COL23A1: variants seen among roughly 807,000 people sequenced by gnomAD.
COL23A1 encodes the protein collagen type XXIII alpha 1 chain.
A neutral mutation model predicts 99.3 loss-of-function variants in COL23A1; 97 were observed. That is an observed-to-expected ratio of 0.98 (90% CI 0.83 to 1.16). The LOEUF (loss-of-function observed/expected upper bound fraction) is 1.16, where lower values mean the gene tolerates loss of function less well. Ranked by LOEUF, COL23A1 falls within the 50% of genes most tolerant of loss-of-function variation. The probability of loss-of-function intolerance (pLI) is 0.00; values close to 1 mark genes in which losing one functional copy is unlikely to be tolerated. For synonymous variants in COL23A1, 320 were observed against 308.2 expected (o/e 1.04, Z -0.40); for missense variants, 762 against 757.4 (o/e 1.01, Z -0.07).
intron 2 of COL23A1, among the ~76,000 whole-genome samples, chr5:178,447,415 G>T (rs1241699857): frequency 1.3e-5 from 2 of 152,124 alleles, no homozygotes; most frequent in African/African-American, 4.8e-5. Context: ...CATAACATTT[G>T]GGTCAATGAC....
At chr5:178,283,945 T>A (rs1581523780) in intron 5 of COL23A1, among the ~76,000 whole-genome samples, 1 of 152,346 alleles carries the variant, frequency 6.6e-6, no homozygotes, top group East Asian at 1.9e-4. Flanking sequence ...CTGGGCCTGA[T>A]CCATCTTTGT....
At chr5:178,537,713 G>T (rs769734452) in intron 2 of COL23A1, among the ~76,000 whole-genome samples, 1 of 152,242 alleles carries the variant, frequency 6.6e-6, no homozygotes, top group African/African-American at 2.4e-5. Context: ...AACTGTGTGT[G>T]CAAGTGGTAA....
At chr5:178,521,990 C>T (rs1759971078) in intron 2 of COL23A1, among the ~76,000 whole-genome samples, 1 of 152,096 alleles carries the variant, frequency 6.6e-6, no homozygotes, top group Admixed American at 6.5e-5. Flanking sequence ...CTTCAAATGG[C>T]TAGCATGGTA....
intron 1 of COL23A1, among the ~76,000 whole-genome samples, chr5:178,586,015 G>T (rs1163642621): frequency 1.3e-5 from 2 of 152,150 alleles, no homozygotes; most frequent in Non-Finnish European, 2.9e-5. Context: ...TCTCTTCCCT[G>T]CCCCCTTCCC....
At chr5:178,350,502 T>C (rs1284612526) in intron 2 of COL23A1, among the ~76,000 whole-genome samples, 1 of 152,110 alleles carries the variant, frequency 6.6e-6, no homozygotes, top group African/African-American at 2.4e-5. Flanking sequence ...CCCAGCGCGA[T>C]GTCAGGACTC....
intron 2 of COL23A1, among the ~76,000 whole-genome samples, chr5:178,326,892 G>A (rs59428358): frequency 2.0e-5 from 3 of 152,082 alleles, no homozygotes; most frequent in East Asian, 1.9e-4. Context: ...GCTAATTTTC[G>A]TATTTTTAGT....
chr5:178,381,983 A>G (rs1246544893), intron 2 of COL23A1, among the ~76,000 whole-genome samples: 2 of 152,078 alleles, frequency 1.3e-5, no homozygotes, highest in East Asian at 3.9e-4. Flanking sequence ...CTCCGGTGGG[A>G]ATCCTAGGCA....
intron 13 of COL23A1, among the ~76,000 whole-genome samples, chr5:178,257,317 G>T (rs1466346988): frequency 2.0e-5 from 3 of 152,180 alleles, no homozygotes; most frequent in African/African-American, 7.2e-5. Context: ...GAGGGCTTGA[G>T]GGAGTGAGGG....
intron 2 of COL23A1, among the ~76,000 whole-genome samples, chr5:178,503,025 A>G (rs1183682147): frequency 6.6e-6 from 1 of 152,250 alleles, no homozygotes. Context: ...AGAAAAACCC[A>G]GAACAATGAG....
intron 27 of COL23A1, among the ~76,000 whole-genome samples, 196 bp from the exon 28 acceptor site, chr5:178,239,375 G>A (rs1038846565): frequency 1.3e-5 from 2 of 152,198 alleles, no homozygotes; most frequent in Non-Finnish European, 2.9e-5. Context: ...GGGGAACGAC[G>A]GCCTCTCACT....
At chr5:178,540,701 G>A (rs372139050) in intron 2 of COL23A1, among the ~76,000 whole-genome samples, 28 of 152,010 alleles carry the variant, frequency 1.8e-4, no homozygotes, top group East Asian at 1.2e-3. Context: ...GTGGGAGGAT[G>A]GCTTGAGCCT....
chr5:178,501,752 T>C (rs1758548246), intron 2 of COL23A1, among the ~76,000 whole-genome samples: 1 of 152,156 alleles, frequency 6.6e-6, no homozygotes, highest in African/African-American at 2.4e-5. Context: ...AGTAGGGAGC[T>C]GGGCCTTCAT....
rs1176325731 is a variant in COL23A1 at position 178,384,297 on chromosome 5, C to T, written c.362-77378G>A. On this transcript the variant is annotated intron_variant, in intron 2 of 28. Coordinates refer to ENST00000390654, the MANE Select transcript of COL23A1 (RefSeq NM_173465.4). This position sits in a 1 kb window ranked among gnomAD's most constrained non-coding sequence, Gnocchi z 5.5. ...AGTTCTCAAAACCTGGATCCGGCGA[C>T]GGAGGCCCGGCCTGGCCACTGCCTG... 6.6e-6 allele frequency among the ~76,000 whole-genome samples: 1 copy of T among 152,230 alleles called. No homozygotes were observed. The highest frequency in any genetic ancestry group is 6.5e-5 in the Admixed American group (1 of 15,290).
At chr5:178,542,176 A>G (rs765652520) in intron 2 of COL23A1, among the ~76,000 whole-genome samples, 15 of 152,090 alleles carry the variant, frequency 9.9e-5, no homozygotes, top group Non-Finnish European at 2.2e-4. Flanking sequence ...GGCACCTGCC[A>G]CCACAACCAA....
chr5:178,536,599 C>A (rs1314283583), intron 2 of COL23A1, among the ~76,000 whole-genome samples: 1 of 152,218 alleles, frequency 6.6e-6, no homozygotes, highest in Non-Finnish European at 1.5e-5. Flanking sequence ...GCCTCCCAAG[C>A]CTGATGGCCT....
At chr5:178,382,933 G>A (rs1763462611) in intron 2 of COL23A1, among the ~76,000 whole-genome samples, 1 of 152,172 alleles carries the variant, frequency 6.6e-6, no homozygotes, top group Admixed American at 6.5e-5. Context: ...GTGGGGAGGA[G>A]CTGAGGACAG....
rs188589735 is a variant in COL23A1, at chr5:178,488,763, C to T, written c.361+71919G>A. Reference sequence around the variant, plus strand: ...TGTATACATTCAATGAATGTAAATTCAAGGAGGCACCAGACGAGAGTTCTG... The same window carrying T: ...TGTATACATTCAATGAATGTAAATTTAAGGAGGCACCAGACGAGAGTTCTG... On this transcript the variant is annotated intron_variant, in intron 2 of 28. Transcript: ENST00000390654. 2.2e-3 allele frequency among the ~76,000 whole-genome samples: 338 copies of T among 151,624 alleles called. 2 individuals carry two copies. Among genetic ancestry groups the T allele is most frequent in the African/African-American group, 8.0e-3 (329 of 41,310 alleles).
At chr5:178,416,476 C>T (rs1286070292) in intron 2 of COL23A1, among the ~76,000 whole-genome samples, 1 of 152,070 alleles carries the variant, frequency 6.6e-6, no homozygotes, top group Non-Finnish European at 1.5e-5. Flanking sequence ...GGAGTGAGCC[C>T]GGAGGGGTGG....
At chr5:178,412,809 G>A (rs1317101883) in intron 2 of COL23A1, among the ~76,000 whole-genome samples, 1 of 152,074 alleles carries the variant, frequency 6.6e-6, no homozygotes, top group Non-Finnish European at 1.5e-5. Flanking sequence ...TCTGGATTCT[G>A]ATTTTGATTC....
Sources: allele counts gnomAD v4.1 joint callset (sites outside exome capture counted in the v4.1 genomes callset), GRCh38; gene constraint gnomAD v4.1.1; non-coding constraint Gnocchi (gnomAD v3.1); transcripts MANE v1.5; gene names NCBI Gene and HGNC (gene_info 2026-07-23, HGNC 2026-07-21).